The following SLC35E2B variants were observed in gnomAD, a reference collection of about 807,000 sequenced individuals.
SLC35E2B encodes the protein solute carrier family 35, member E2B.
A neutral mutation model predicts 32.4 loss-of-function variants in SLC35E2B; 18 were observed. The ratio of observed to expected loss-of-function variants is 0.56; its 90% CI spans 0.38 to 0.82. SLC35E2B has a LOEUF of 0.82. Among genes scored for constraint, SLC35E2B ranks in the 40% least tolerant of loss-of-function variants. The probability of loss-of-function intolerance (pLI) is 0.00; values close to 1 mark genes in which losing one functional copy is unlikely to be tolerated. For missense variants in SLC35E2B, 263 were observed against 469.5 expected, an observed-to-expected ratio of 0.56 and a Z score of 4.06; for synonymous variants, 132 against 209.1, an observed-to-expected ratio of 0.63 and a Z score of 3.18.
chr1:1,669,555 G>A, intron 8 of SLC35E2B, 109 bp downstream of exon 8: 1 of 1,183,324 alleles, frequency 8.5e-7, no homozygotes, highest in Non-Finnish European at 1.2e-6. Context: ...CAGCGGAGCT[G>A]GGCCCAACCA....
At chr1:1,688,792 G>A (rs543940731) in intron 2 of SLC35E2B, among the ~76,000 whole-genome samples, 13 of 152,282 alleles carry the variant, frequency 8.5e-5, no homozygotes, top group South Asian at 4.1e-4. Context: ...GGGAGGGGGC[G>A]GCAGCCGTCC....
intron 2 of SLC35E2B, among the ~76,000 whole-genome samples, chr1:1,677,902 G>A (rs1017371312): frequency 6.6e-6 from 1 of 151,856 alleles, no homozygotes; most frequent in East Asian, 1.9e-4. Flanking sequence ...AGGTCCAGTG[G>A]GAATCATCCC....
intron 5 of SLC35E2B, chr1:1,673,158 T>G (rs1643745216): frequency 4.8e-6 from 1 of 207,874 alleles, no homozygotes. Context: ...TCACTTGAGA[T>G]AAGGAGTTCA....
At position 1,673,393 on chromosome 1, in the gene SLC35E2B, G is replaced by A. The variant is rs1643752396; in HGVS notation, c.587-1764C>T. The A allele has an allele frequency of 6.4e-5, 26 of 409,430 alleles. 1 individual carries two copies. Among genetic ancestry groups the A allele is most frequent in the South Asian group, 4.7e-4 (26 of 55,700 alleles). 25.4% of individuals were successfully genotyped at this position (409,430 alleles called of 1,614,324 possible). A position where few individuals can be genotyped will look rare whatever the true frequency, so the allele number is the denominator to read the frequency against. ...GGTGGTGAGAAAGTTATTATGGGCA[G>A]GTGCAGCAGCTCACGCCTGGAATCC... On this transcript the variant is annotated intron_variant, in intron 5 of 9. Transcript: ENST00000617444.
intron 8 of SLC35E2B, among the ~76,000 whole-genome samples, chr1:1,669,207 T>G (rs1457370566): frequency 1.3e-5 from 2 of 151,360 alleles, no homozygotes; most frequent in African/African-American, 4.9e-5. Flanking sequence ...ACCCTCTGTG[T>G]GGGGGACTCT....
Position 1,665,843 on chromosome 1 carries a change from C to T in SLC35E2B, c.1157G>A (p.Gly386Asp). The change falls in exon 10 of 10, where the codon GGC becomes GAC. Residue 386 changes from glycine (G) to aspartate (D), a missense_variant. Around this residue, in one of 7 missense-constraint regions of SLC35E2B, gnomAD observed 78 missense variants for 71.1 expected, o/e 1.10. Transcript: ENST00000617444. ...CTCCACTGTGTCGTCTGGGGCCCGG[C>T]CAGTGGCTGCAGCCAGGCTCTGCAG... Reference protein sequence around the residue: ...EALQSLAAATGRAPDDTVEPL... With the variant: ...EALQSLAAATDRAPDDTVEPL... The T allele has an allele frequency of 6.4e-7, 1 of 1,550,756 alleles. No individual in the cohort carries two copies. Among genetic ancestry groups the T allele is most frequent in the Non-Finnish European group, 8.7e-7 (1 of 1,146,982 alleles).
chr1:1,677,801 C>T (rs1036866128), intron 2 of SLC35E2B, among the ~76,000 whole-genome samples: 7 of 152,086 alleles, frequency 4.6e-5, no homozygotes, highest in East Asian at 1.9e-4. Context: ...CACTTACACC[C>T]GCTTCACGCT....
chr1:1,670,088 T>C lies in SLC35E2B; in HGVS notation c.761+10A>G. 2 of 1,549,594 alleles carry C rather than the reference T, an allele frequency of 1.3e-6. No individual in the cohort carries two copies. The highest frequency in any genetic ancestry group is 1.7e-6 in the Non-Finnish European group (2 of 1,144,760). Reference sequence around the variant, plus strand: ...ATGACTTGGAGATTTCACTGACGAATAATACTTACGAGAACCTGTATTTGT... The same window carrying C: ...ATGACTTGGAGATTTCACTGACGAACAATACTTACGAGAACCTGTATTTGT... On this transcript the variant is annotated intron_variant, in intron 7 of 9. Transcript: ENST00000617444.
Position 1,689,179 on chromosome 1 carries a change from C to A in SLC35E2B, c.-148+1797G>T, listed in dbSNP as rs1299954548. 7.0e-4 allele frequency among the ~76,000 whole-genome samples: 106 copies of A among 151,846 alleles called. 2 individuals carry two copies. The South Asian group carries it at 0.021, about 31-fold the overall frequency. On this transcript the variant is annotated intron_variant, in intron 2 of 9. Transcript: ENST00000617444. ...AGAGCGAGACTGTCTCAAAAAAAAA[C>A]AAACAAACAGGTCTGGTGTACCCAG...
At position 1,671,579 on chromosome 1, in the gene SLC35E2B, A is replaced by G. The variant is rs1310551469; in HGVS notation, c.637T>C (p.Cys213Arg). Residue 213 changes from cysteine (C) to arginine (R), a missense_variant, in exon 6 of 10, where the codon TGC (cysteine) becomes CGC (arginine). Transcript: ENST00000617444. Reference protein sequence around the residue: ...LIPVMGGLALCTATEISFNVL... With the variant: ...LIPVMGGLALRTATEISFNVL... ...TTGAAGCTGATCTCAGTGGCCGTGC[A>G]CAGCGCCAGCCCGCCCATGACTGGG... 1 of 1,549,838 alleles carries G rather than the reference A, an allele frequency of 6.5e-7. No individual in the cohort carries two copies. Among genetic ancestry groups the G allele is most frequent in the Non-Finnish European group, 8.7e-7 (1 of 1,146,218 alleles).
At chr1:1,690,523 G>C (rs1344118191) in intron 2 of SLC35E2B, among the ~76,000 whole-genome samples, 2 of 141,810 alleles carry the variant, frequency 1.4e-5, no homozygotes, top group African/African-American at 5.1e-5. Flanking sequence ...CAGATCACCT[G>C]AGGTCAGGAG....
At chr1:1,666,464 G>C (rs768073348) in intron 9 of SLC35E2B, among the ~76,000 whole-genome samples, 3 of 152,146 alleles carry the variant, frequency 2.0e-5, no homozygotes, top group Admixed American at 1.3e-4. Flanking sequence ...GGGCTCAAGT[G>C]ATCTTCCCAC....
At chr1:1,681,724 G>A (rs1009705006) in intron 2 of SLC35E2B, among the ~76,000 whole-genome samples, 1 of 150,300 alleles carries the variant, frequency 6.7e-6, no homozygotes. Context: ...GGTGGCTCAC[G>A]CCTGTAATCC....
At chr1:1,677,357 G>A (rs1354177890) in intron 2 of SLC35E2B, among the ~76,000 whole-genome samples, 5 of 150,992 alleles carry the variant, frequency 3.3e-5, no homozygotes, top group African/African-American at 7.3e-5. Flanking sequence ...CTTGACTGTC[G>A]TCCTGGCAGA....
In SLC35E2B at chr1:1,665,657, G is replaced by T. The variant is rs188348131; in HGVS notation, c.*125C>A. On this transcript the variant is annotated 3_prime_UTR_variant, in exon 10 of 10. Coordinates refer to ENST00000617444, the MANE Select transcript of SLC35E2B (RefSeq NM_001290264.2). ...TCTTCACCGACAAACCGAGAAAGCC[G>T]CAGGCAATGGCCAACTTAGCTCCCC... 1.4e-6 allele frequency: 2 copies of T among 1,401,814 alleles called. No individual in the cohort carries two copies. Among genetic ancestry groups the T allele is most frequent in the Non-Finnish European group, 1.9e-6 (2 of 1,063,556 alleles). 86.8% of individuals were successfully genotyped at this position (1,401,814 alleles called of 1,614,324 possible). A position where few individuals can be genotyped will look rare whatever the true frequency, so the allele number is the denominator to read the frequency against.
intron 9 of SLC35E2B, 81 bp downstream of exon 9, chr1:1,668,246 C>G (rs553906261): frequency 6.7e-7 from 1 of 1,497,562 alleles, no homozygotes; most frequent in East Asian, 2.3e-5. Flanking sequence ...CACATGTGTC[C>G]CTTATAAAAA....
At chr1:1,680,735 A>C (rs895317317) in intron 2 of SLC35E2B, among the ~76,000 whole-genome samples, 4 of 151,158 alleles carry the variant, frequency 2.6e-5, no homozygotes, top group African/African-American at 9.7e-5. Flanking sequence ...CCGCAGGAGG[A>C]GGCGATATCT....
rs191615746 is a variant in SLC35E2B, at chr1:1,680,352, G to A, written c.-147-3506C>T. Among the ~76,000 whole-genome samples the A allele has an allele frequency of 1.2e-4, 18 of 152,250 alleles. No individual in the cohort carries two copies. In the East Asian group the frequency reaches 2.3e-3, roughly 20 times the overall value. ...ATTAAAAGAGCTTAAACAAGAAGCC[G>A]ACTGCAAACAAAGGCCTCTCCATGC... On this transcript the variant is annotated intron_variant, in intron 2 of 9. Transcript: ENST00000617444.
intron 2 of SLC35E2B, among the ~76,000 whole-genome samples, chr1:1,686,005 T>A (rs892374331): frequency 7.9e-6 from 1 of 126,100 alleles, no homozygotes; most frequent in African/African-American, 2.9e-5. Context: ...TGAATTTTTG[T>A]ATTTTCATTT....
Sources: gnomAD v4.1 joint callset for allele counts (sites outside exome capture counted in the v4.1 genomes callset) on GRCh38, gnomAD v4.1.1 for gene constraint, gnomAD v4.1.1 regional missense constraint, MANE v1.5 for transcripts, NCBI Gene and HGNC (gene_info 2026-07-23, HGNC 2026-07-21) for gene names.